Variants in DLGAP1 observed in about 807,000 individuals in gnomAD.
DLGAP1 encodes the protein DLG associated protein 1, also known as disks large-associated protein 1.
A neutral mutation model predicts 90.8 loss-of-function variants in DLGAP1; 11 were observed. The ratio of observed to expected loss-of-function variants is 0.12; its 90% CI spans 0.08 to 0.20. DLGAP1 has a LOEUF of 0.20. DLGAP1 is among the 10% of genes least tolerant of loss of function. The pLI, the probability that DLGAP1 is intolerant of heterozygous loss-of-function variation, is 1.00. For synonymous variants in DLGAP1, 558 were observed against 540.7 expected (o/e 1.03, Z -0.44); for missense variants, 1,050 against 1,333.8 (o/e 0.79, Z 3.31).
intron 1 of DLGAP1, among the ~76,000 whole-genome samples, chr18:4,340,007 G>A (rs1045688651): frequency 4.0e-5 from 6 of 151,892 alleles, no homozygotes; most frequent in Non-Finnish European, 5.9e-5. Flanking sequence ...TTATCAATGG[G>A]GGATATCTTC....
At position 3,844,512 on chromosome 18, in the gene DLGAP1, A is replaced by G. The variant is rs1022957174; in HGVS notation, c.958-30239T>C. 2.6e-5 allele frequency among the ~76,000 whole-genome samples: 4 copies of G among 152,234 alleles called. No individual in the cohort carries two copies. In the South Asian group the frequency reaches 8.3e-4, roughly 31 times the overall value. On this transcript the variant is annotated intron_variant, in intron 4 of 12. Transcript: ENST00000315677. ...TGCCTCATCACTTCTTGTTTTTGAG[A>G]TAGAGTAACCAAGGTAGCAATAGAA...
chr18:3,795,235 G>C (rs1555673107), intron 5 of DLGAP1, among the ~76,000 whole-genome samples: 1 of 152,128 alleles, frequency 6.6e-6, no homozygotes, highest in Non-Finnish European at 1.5e-5. Context: ...CCTTGAAACA[G>C]ACACAGAGAT....
chr18:4,381,081 GT>G (rs139007013), intron 1 of DLGAP1, among the ~76,000 whole-genome samples: 2,895 of 152,208 alleles, frequency 0.019, 62 homozygotes, highest in African/African-American at 0.049. Flanking sequence ...CACCCAGGTG[GT>G]TAACACTATA....
rs149646925 is a variant in DLGAP1 at position 3,496,667 on chromosome 18, G to C, written c.*2518C>G. 1 of 151,912 alleles carries C rather than the reference G, an allele frequency of 6.6e-6. No individual in the cohort carries two copies. Among genetic ancestry groups the C allele is most frequent in the Non-Finnish European group, 1.5e-5 (1 of 67,958 alleles). 9.4% of individuals were successfully genotyped at this position (151,912 alleles called of 1,614,324 possible). A position where few individuals can be genotyped will look rare whatever the true frequency, so the allele number is the denominator to read the frequency against. On this transcript the variant is annotated 3_prime_UTR_variant, in exon 13 of 13. Transcript: ENST00000315677. ...TCAGGGTACATACATTTTCCATTAC[G>C]AACTAAAAAACATTTCTACAAATTA...
At chr18:3,990,068 G>A (rs776922211) in intron 3 of DLGAP1, among the ~76,000 whole-genome samples, 147 of 151,920 alleles carry the variant, frequency 9.7e-4, no homozygotes, top group Non-Finnish European at 1.5e-3. Flanking sequence ...TGTGGAAGTC[G>A]GTGTGGTGAT....
chr18:3,736,983 C>T (rs1358170236), intron 6 of DLGAP1, among the ~76,000 whole-genome samples: 4 of 148,948 alleles, frequency 2.7e-5, no homozygotes, highest in Non-Finnish European at 5.9e-5. Flanking sequence ...TCAGAGAATA[C>T]TACAAACACC....
chr18:3,901,566 T>A (rs1267354280), intron 3 of DLGAP1, among the ~76,000 whole-genome samples: 1 of 152,148 alleles, frequency 6.6e-6, no homozygotes, highest in African/African-American at 2.4e-5. Flanking sequence ...ATTGCTCACC[T>A]ATGTCAGCAC....
At chr18:4,244,388 T>C (rs189701221) in intron 1 of DLGAP1, among the ~76,000 whole-genome samples, 216 of 152,312 alleles carry the variant, frequency 1.4e-3, no homozygotes, top group African/African-American at 5.1e-3. Flanking sequence ...TGTTTCTAGA[T>C]TTCTGATAGT....
intron 5 of DLGAP1, among the ~76,000 whole-genome samples, chr18:3,807,618 C>T (rs1363784424): frequency 4.0e-5 from 6 of 151,216 alleles, no homozygotes; most frequent in Admixed American, 3.3e-4. Flanking sequence ...TTTTGGGATA[C>T]GTGTACAGGA....
In DLGAP1 at chr18:3,729,253, G is replaced by GCTC; in HGVS notation, c.1470_1472dup (p.Arg490dup). 6.2e-7 allele frequency: 1 copy of GCTC among 1,614,000 alleles called. No individual in the cohort carries two copies. Among genetic ancestry groups the GCTC allele is most frequent in the Non-Finnish European group, 8.5e-7 (1 of 1,179,956 alleles). ...TCTCAATGGCCCGCACATAGCTGTG[G>GCTC]CTCCGCATGCGGAAGCAGCCGGGCA... On this transcript the variant is annotated inframe_insertion, in exon 7 of 13. Coordinates refer to ENST00000315677, the MANE Select transcript of DLGAP1 (RefSeq NM_004746.4). This position sits in a 1 kb window ranked among gnomAD's most constrained non-coding sequence, Gnocchi z 6.2.
intron 5 of DLGAP1, among the ~76,000 whole-genome samples, chr18:3,789,610 T>C (rs763861891): frequency 3.3e-5 from 5 of 151,982 alleles, no homozygotes; most frequent in Non-Finnish European, 7.4e-5. Flanking sequence ...ACTGAGAAAA[T>C]GTCTGATTTT....
At chr18:3,685,773 T>C (rs1408172224) in intron 7 of DLGAP1, among the ~76,000 whole-genome samples, 1 of 152,114 alleles carries the variant, frequency 6.6e-6, no homozygotes, top group Non-Finnish European at 1.5e-5. Context: ...ATCCTCATTA[T>C]AAGACAAGAA....
intron 2 of DLGAP1, among the ~76,000 whole-genome samples, chr18:4,056,857 A>G (rs1362366375): frequency 6.6e-6 from 1 of 152,178 alleles, no homozygotes; most frequent in African/African-American, 2.4e-5. Context: ...TGAATCTAAG[A>G]CCAATGCACT....
chr18:4,145,837 A>G (rs1231842154), intron 2 of DLGAP1, among the ~76,000 whole-genome samples: 4 of 152,102 alleles, frequency 2.6e-5, no homozygotes, highest in African/African-American at 9.7e-5. Context: ...GTTTCTCCCC[A>G]AGCTAGATTA....
At chr18:3,945,504 T>C (rs1224752540) in intron 3 of DLGAP1, among the ~76,000 whole-genome samples, 4 of 152,160 alleles carry the variant, frequency 2.6e-5, no homozygotes, top group African/African-American at 7.2e-5. Flanking sequence ...CTAATAGTTA[T>C]GTGGAGATAA....
intron 1 of DLGAP1, among the ~76,000 whole-genome samples, chr18:4,194,442 G>A (rs1055340749): frequency 2.0e-5 from 3 of 151,998 alleles, no homozygotes; most frequent in African/African-American, 4.8e-5. Flanking sequence ...ATATTATATC[G>A]AATTGGATTA....
intron 3 of DLGAP1, among the ~76,000 whole-genome samples, chr18:3,967,104 T>G (rs1568324598): frequency 6.6e-6 from 1 of 152,218 alleles, no homozygotes; most frequent in Non-Finnish European, 1.5e-5. Flanking sequence ...CTCAAACTGC[T>G]GAGTGACTAA....
At chr18:4,226,992 A>T (rs533702958) in intron 1 of DLGAP1, among the ~76,000 whole-genome samples, 1 of 152,080 alleles carries the variant, frequency 6.6e-6, no homozygotes, top group South Asian at 2.1e-4. Flanking sequence ...AAATATATAC[A>T]CTGAAAATAA....
intron 1 of DLGAP1, among the ~76,000 whole-genome samples, chr18:4,214,624 A>G (rs886995300): frequency 6.6e-6 from 1 of 152,186 alleles, no homozygotes; most frequent in African/African-American, 2.4e-5. Context: ...ATATCTTTCT[A>G]TCTCTCAGAC....
Sources: allele counts gnomAD v4.1 joint callset (sites outside exome capture counted in the v4.1 genomes callset), GRCh38; gene constraint gnomAD v4.1.1; non-coding constraint Gnocchi (gnomAD v3.1); transcripts MANE v1.5; gene names NCBI Gene and HGNC (gene_info 2026-07-23, HGNC 2026-07-21).